The following DPYSL2 variants were observed in gnomAD, a reference collection of about 807,000 sequenced individuals.
The protein encoded by DPYSL2 is dihydropyrimidinase-related protein 2.
Under a neutral mutation model 69.9 loss-of-function variants are expected in DPYSL2, and 13 were observed. The ratio of observed to expected loss-of-function variants is 0.19; its 90% CI spans 0.12 to 0.30. The LOEUF is 0.30. Among genes scored for constraint, DPYSL2 ranks in the 10% least tolerant of loss-of-function variants. The pLI is 1.00. For synonymous variants in DPYSL2, 326 were observed against 359.1 expected, an observed-to-expected ratio of 0.91 and a Z score of 1.04; for missense variants, 587 against 918.9, an observed-to-expected ratio of 0.64 and a Z score of 4.67.
chr8:26,563,164 A>G (rs1423310107), intron 1 of DPYSL2, among the ~76,000 whole-genome samples: 1 of 152,120 alleles, frequency 6.6e-6, no homozygotes, highest in Non-Finnish European at 1.5e-5. Flanking sequence ...ATGCCAAAGA[A>G]TTTGTGGCAC....
intron 1 of DPYSL2, among the ~76,000 whole-genome samples, chr8:26,536,645 T>C (rs1444069039): frequency 1.3e-5 from 2 of 151,836 alleles, no homozygotes; most frequent in Non-Finnish European, 2.9e-5. Context: ...CACTCCAGCC[T>C]GGGTGACAGA....
rs1376733577 is a variant in DPYSL2 at position 26,653,149 on chromosome 8, GC to G, written c.1777-80del. 2.2e-5 allele frequency: 33 copies of G among 1,496,320 alleles called. No homozygotes were observed. The East Asian group carries it at 6.5e-4, about 30-fold the overall frequency. The allele number at this position is 1,496,320 out of a possible 1,614,324, so 92.7% of individuals were successfully genotyped here. A position where few individuals can be genotyped will look rare whatever the true frequency, so the allele number is the denominator to read the frequency against. ...AGCCCTCCATCCCTAGATCTCACAG[GC>G]CCATCCTCCCTCCAGGAGGGTTTCT... On this transcript the variant is annotated intron_variant, in intron 12 of 13. Coordinates refer to ENST00000521913, the MANE Select transcript of DPYSL2 (RefSeq NM_001197293.3). The surrounding 1 kb of genome is among the most constrained non-coding windows in gnomAD (Gnocchi z 5.7).
rs1052160374 is a variant in DPYSL2, at chr8:26,652,806, G to A, written c.1776+370G>A. Among the ~76,000 whole-genome samples the A allele has an allele frequency of 6.6e-6, 1 of 152,154 alleles. No individual in the cohort carries two copies. Among genetic ancestry groups the A allele is most frequent in the African/African-American group, 2.4e-5 (1 of 41,422 alleles). On this transcript the variant is annotated intron_variant, in intron 12 of 13. Transcript: ENST00000521913. The surrounding 1 kb of genome is among the most constrained non-coding windows in gnomAD (Gnocchi z 6.3). Reference sequence around the variant, plus strand: ...GAAGGGAGATGAGGGAATTTGATAAGAGTATCATGAGCATAGAAAATGTAC... The same window carrying A: ...GAAGGGAGATGAGGGAATTTGATAAAAGTATCATGAGCATAGAAAATGTAC...
At chr8:26,636,059 C>G (rs1226532061) in intron 8 of DPYSL2, among the ~76,000 whole-genome samples, 2 of 152,158 alleles carry the variant, frequency 1.3e-5, no homozygotes, top group Non-Finnish European at 2.9e-5. Context: ...GACTCCTGGC[C>G]CTGGTTCTTT....
intron 1 of DPYSL2, chr8:26,578,467 C>G (rs894318591): frequency 3.4e-6 from 5 of 1,464,828 alleles, no homozygotes; most frequent in Admixed American, 5.4e-5. Flanking sequence ...TGCAGTGATC[C>G]AGGATTAGAA....
chr8:26,543,908 G>A lies in DPYSL2; in HGVS notation c.354+29229G>A, dbSNP rs192986467. ...GATCCACCTGCCTTGGCCTTCCAAAGTGCTAGGATTACAGGCATGAGCCCT... is the reference window on the plus strand; with the variant it reads ...GATCCACCTGCCTTGGCCTTCCAAAATGCTAGGATTACAGGCATGAGCCCT... On this transcript the variant is annotated intron_variant, in intron 1 of 13. Coordinates refer to ENST00000521913, the MANE Select transcript of DPYSL2 (RefSeq NM_001197293.3). Among the ~76,000 whole-genome samples, 1,254 of 152,254 alleles carry A rather than the reference G, an allele frequency of 8.2e-3. 18 individuals carry two copies. Among genetic ancestry groups the A allele is most frequent in the African/African-American group, 0.029 (1,197 of 41,552 alleles).
At chr8:26,542,010 CCTGTAATCCCAACAAT>C (rs1159976641) in intron 1 of DPYSL2, among the ~76,000 whole-genome samples, 4 of 151,792 alleles carry the variant, frequency 2.6e-5, no homozygotes, top group Non-Finnish European at 5.9e-5. Context: ...GTGGCTAATG[CCTGTAATCCCAACAAT>C]CTGGGAGGCC....
intron 8 of DPYSL2, among the ~76,000 whole-genome samples, chr8:26,636,147 A>G (rs1802910006): frequency 1.3e-5 from 2 of 151,882 alleles, no homozygotes; most frequent in Non-Finnish European, 2.9e-5. Context: ...GGCACCTTGA[A>G]GGAATTGCCT....
At chr8:26,633,047 A>T (rs1428097242) in intron 7 of DPYSL2, among the ~76,000 whole-genome samples, 1 of 152,254 alleles carries the variant, frequency 6.6e-6, no homozygotes. Flanking sequence ...GAGACAAGGT[A>T]ACCAATTCAG....
chr8:26,576,811 G>A (rs1017433161), intron 1 of DPYSL2, among the ~76,000 whole-genome samples: 2 of 152,196 alleles, frequency 1.3e-5, no homozygotes, highest in Non-Finnish European at 2.9e-5. Flanking sequence ...CCGCCCCACG[G>A]TGCGGTGTGG....
At chr8:26,618,312 C>T (rs996645854) in intron 3 of DPYSL2, among the ~76,000 whole-genome samples, 33 of 103,416 alleles carry the variant, frequency 3.2e-4, no homozygotes, top group Non-Finnish European at 6.2e-4. Flanking sequence ...TGTGGTTTTA[C>T]GCCTTTTTTT....
intron 1 of DPYSL2, among the ~76,000 whole-genome samples, chr8:26,535,669 G>A (rs1359333824): frequency 6.6e-5 from 10 of 151,054 alleles, no homozygotes; most frequent in Non-Finnish European, 2.9e-5. Flanking sequence ...ATGTGCAACA[G>A]TGTTATGAAC....
intron 3 of DPYSL2, among the ~76,000 whole-genome samples, chr8:26,589,959 G>A (rs926039102): frequency 6.6e-6 from 1 of 152,210 alleles, no homozygotes; most frequent in African/African-American, 2.4e-5. Context: ...GGAAGGTGAG[G>A]TGGCTTCCTG....
At position 26,514,668 on chromosome 8, in the gene DPYSL2, A is replaced by T. The variant is rs1808244285; in HGVS notation, c.343A>T (p.Ile115Phe). ...RASGKEALQNINDQSDRLLIK... is the reference protein window; with the variant it reads ...RASGKEALQNFNDQSDRLLIK... ...CTCGGGCAAAGAAGCCCTGCAGAAC[A>T]TCAACGACCAGGTCGGTGTGGGGGT... Residue 115 changes from isoleucine (I) to phenylalanine (F), a missense_variant, in exon 1 of 14, where the codon ATC becomes TTC. By Grantham distance (21) the Ile-to-Phe change is conservative. Transcript: ENST00000521913. This position sits in a 1 kb window ranked among gnomAD's most constrained non-coding sequence, Gnocchi z 8.4. 7.1e-7 allele frequency: 1 copy of T among 1,400,766 alleles called. No homozygotes were observed. The highest frequency in any genetic ancestry group is 1.5e-5 in the African/African-American group (1 of 66,714). The allele number at this position is 1,400,766 out of a possible 1,614,324, so 86.8% of individuals were successfully genotyped here.
At chr8:26,623,835 GTCCATAAGGACTCGTTGTCCGT>G (rs1802555806) in intron 3 of DPYSL2, 11 of 301,876 alleles carry the variant, frequency 3.6e-5, no homozygotes, top group Non-Finnish European at 6.3e-5. Context: ...CACTGCCATT[GTCCATAAGGACTCGTTGTCCGT>G]GAAATGCACC....
Position 26,643,743 on chromosome 8 carries a change from G to A in DPYSL2, c.1283+148G>A, listed in dbSNP as rs762658062. 1.7e-5 allele frequency: 22 copies of A among 1,288,736 alleles called. No homozygotes were observed. The Middle Eastern group carries it at 5.6e-4, about 33-fold the overall frequency. The allele number at this position is 1,288,736 out of a possible 1,614,324, so 79.8% of individuals were successfully genotyped here. A position where few individuals can be genotyped will look rare whatever the true frequency, so the allele number is the denominator to read the frequency against. ...AACTAGGTTGGCTACATGAGTACAGGGAATTGTCATTCTAGCACCATTTTG... is the reference window on the plus strand; with the variant it reads ...AACTAGGTTGGCTACATGAGTACAGAGAATTGTCATTCTAGCACCATTTTG... On this transcript the variant is annotated intron_variant, in intron 9 of 13. Transcript: ENST00000521913. This position sits in a 1 kb window ranked among gnomAD's most constrained non-coding sequence, Gnocchi z 6.5.
In DPYSL2 at chr8:26,571,655, C is replaced by T. The variant is rs960360725; in HGVS notation, c.355-10314C>T. The stretch of plus-strand genomic sequence containing the variant: ...GTCCAGCAGGATTTGGACAGATGAG[C>T]TTCTTGTCTTCCTGCAGGGAGGATG... On this transcript the variant is annotated intron_variant, in intron 1 of 13. Coordinates refer to ENST00000521913, the MANE Select transcript of DPYSL2 (RefSeq NM_001197293.3). The surrounding 1 kb of genome is among the most constrained non-coding windows in gnomAD (Gnocchi z 6.1). Among the ~76,000 whole-genome samples the T allele has an allele frequency of 3.9e-5, 6 of 152,204 alleles. No homozygotes were observed. The highest frequency in any genetic ancestry group is 8.8e-5 in the Non-Finnish European group (6 of 68,040).
intron 3 of DPYSL2, among the ~76,000 whole-genome samples, chr8:26,592,644 T>A (rs1407196228): frequency 6.6e-6 from 1 of 151,650 alleles, no homozygotes; most frequent in African/African-American, 2.4e-5. Flanking sequence ...CCCAGCTAAT[T>A]TTTTTTGTAT....
At chr8:26,583,618 TC>T (rs1400943162) in intron 2 of DPYSL2, among the ~76,000 whole-genome samples, 180 bp from the exon 3 acceptor site, 3 of 152,204 alleles carry the variant, frequency 2.0e-5, no homozygotes, top group Admixed American at 2.0e-4. Context: ...TCTAGTATAC[TC>T]TGCATTGCCT....
Sources: gnomAD v4.1 joint callset for allele counts (sites outside exome capture counted in the v4.1 genomes callset) on GRCh38, gnomAD v4.1.1 for gene constraint, Gnocchi (gnomAD v3.1) non-coding constraint, MANE v1.5 for transcripts, NCBI Gene and HGNC (gene_info 2026-07-23, HGNC 2026-07-21) for gene names.